STK3: variants seen among roughly 807,000 people sequenced by gnomAD.
STK3 encodes serine/threonine kinase 3, also known as serine/threonine-protein kinase 3.
Under a neutral mutation model 58.0 loss-of-function variants are expected in STK3, and 41 were observed. The ratio of observed to expected loss-of-function variants is 0.71; its 90% confidence interval spans 0.55 to 0.92. The LOEUF (loss-of-function observed/expected upper bound fraction) is 0.92, where lower values mean the gene tolerates loss of function less well. STK3 is among the 40% of genes least tolerant of loss of function. The probability of loss-of-function intolerance (pLI) is 0.00; values close to 1 mark genes in which losing one functional copy is unlikely to be tolerated. For missense variants in STK3, 479 were observed against 602.7 expected (o/e 0.79, Z 2.15); for synonymous variants, 170 against 191.0 (o/e 0.89, Z 0.91).
chr8:98,863,623 C>G (rs974185298), intron 3 of STK3, among the ~76,000 whole-genome samples: 1 of 152,046 alleles, frequency 6.6e-6, no homozygotes, highest in African/African-American at 2.4e-5. Flanking sequence ...TATAAAACAA[C>G]CAGTATACAA....
Position 98,754,421 on chromosome 8 carries a change from G to A in STK3, c.237-5031C>T, listed in dbSNP as rs529051284. Among the ~76,000 whole-genome samples, 14 of 151,954 alleles carry A rather than the reference G, an allele frequency of 9.2e-5. No individual in the cohort carries two copies. The South Asian group carries it at 1.2e-3, about 14-fold the overall frequency. On this transcript the variant is annotated intron_variant, in intron 3 of 10. Transcript: ENST00000419617. ...TCAGTAGGTTTTTAAAAGCTCTACC[G>A]GTGACTCTGACATAGACCCAGAGTT...
At chr8:98,850,704 C>T (rs948184056) in intron 3 of STK3, among the ~76,000 whole-genome samples, 2 of 152,132 alleles carry the variant, frequency 1.3e-5, no homozygotes, top group Admixed American at 6.5e-5. Flanking sequence ...GTGACTGCGA[C>T]GTGCAGTGCG....
chr8:98,604,042 G>T (rs550378894), intron 6 of STK3, among the ~76,000 whole-genome samples: 16 of 152,280 alleles, frequency 1.1e-4, no homozygotes, highest in Non-Finnish European at 2.4e-4. Context: ...GTCAGAGGGA[G>T]ATGTGAGTTT....
At chr8:98,721,247 G>A in intron 4 of STK3, 1 of 366,762 alleles carries the variant, frequency 2.7e-6, no homozygotes, top group Non-Finnish European at 3.8e-6. Flanking sequence ...TCACTAAGCA[G>A]GAAAGATAGT....
intron 6 of STK3, among the ~76,000 whole-genome samples, chr8:98,657,608 T>C (rs1821649038): frequency 6.6e-6 from 1 of 152,100 alleles, no homozygotes; most frequent in Non-Finnish European, 1.5e-5. Context: ...CCTTAAAATA[T>C]GTGGCTGAAA....
Position 98,900,075 on chromosome 8 carries a change from C to CTATT in STK3, c.-78-16245_-78-16242dup, listed in dbSNP as rs1227925510. 2.6e-5 allele frequency among the ~76,000 whole-genome samples: 4 copies of CTATT among 152,158 alleles called. No individual in the cohort carries two copies. In the South Asian group the frequency reaches 6.2e-4, roughly 24 times the overall value. ...ACTGGTTTCCTTGATTTCCAGTCTG[C>CTATT]TATTTATTTATTTATTTTTGAGACA... is the stretch of plus-strand genomic sequence containing the variant. On this transcript the variant is annotated intron_variant, in intron 1 of 1. Transcript: ENST00000519420.
chr8:98,853,621 C>T (rs966500771), intron 3 of STK3, among the ~76,000 whole-genome samples: 21 of 152,258 alleles, frequency 1.4e-4, no homozygotes, highest in African/African-American at 4.8e-4. Flanking sequence ...TTAATCCATC[C>T]AGGTCTTGCA....
At position 98,469,261 on chromosome 8, in the gene STK3, G is replaced by T. The variant is rs947928126; in HGVS notation, c.1318-13261C>A. Among the ~76,000 whole-genome samples, 14 of 149,338 alleles carry T rather than the reference G, an allele frequency of 9.4e-5. No homozygotes were observed. The Admixed American group carries it at 9.4e-4, about 10-fold the overall frequency. ...AAAAGGCTTTTCTTTGCGGGGGCGGGGGGGCGGTCTGAGAATGGCGCCAAA... is the reference window on the plus strand; with the variant it reads ...AAAAGGCTTTTCTTTGCGGGGGCGGTGGGGCGGTCTGAGAATGGCGCCAAA... On this transcript the variant is annotated intron_variant, in intron 10 of 10. Coordinates refer to ENST00000419617, the MANE Select transcript of STK3 (RefSeq NM_006281.4).
downstream of STK3, chr8:98,883,656 T>A (rs1426993478): frequency 1.4e-6 from 1 of 703,010 alleles, no homozygotes; most frequent in Admixed American, 2.0e-5. Flanking sequence ...CCTGTCTTGC[T>A]TGTTTTCTTC....
chr8:98,411,769 C>T (rs879602551), intron 3 of STK3, among the ~76,000 whole-genome samples: 6 of 152,198 alleles, frequency 3.9e-5, no homozygotes, highest in Non-Finnish European at 7.3e-5. Flanking sequence ...CATCACTCCT[C>T]GAGGGACAAA....
At chr8:98,604,755 A>C (rs1816638525) in intron 6 of STK3, among the ~76,000 whole-genome samples, 1 of 152,078 alleles carries the variant, frequency 6.6e-6, no homozygotes, top group Non-Finnish European at 1.5e-5. Flanking sequence ...GGGCTACAAA[A>C]TTTTCAACTT....
intron 10 of STK3, among the ~76,000 whole-genome samples, chr8:98,509,498 C>A (rs1425776175): frequency 6.6e-6 from 1 of 151,828 alleles, no homozygotes; most frequent in Non-Finnish European, 1.5e-5. Flanking sequence ...ATGAAAACAT[C>A]CTAATGGAAT....
intron 3 of STK3, among the ~76,000 whole-genome samples, chr8:98,408,564 C>G (rs147755671): frequency 2.0e-4 from 31 of 152,364 alleles, no homozygotes; most frequent in African/African-American, 7.5e-4. Flanking sequence ...CTCAAATACT[C>G]TGCTGGGCTT....
At chr8:98,570,820 T>C (rs1182079162) in intron 8 of STK3, among the ~76,000 whole-genome samples, 1 of 152,234 alleles carries the variant, frequency 6.6e-6, no homozygotes, top group African/African-American at 2.4e-5. Flanking sequence ...ACAACTCTAT[T>C]TGCAGATGGT....
chr8:98,921,828 A>G (rs752525894), intron 1 of STK3, among the ~76,000 whole-genome samples: 2 of 152,120 alleles, frequency 1.3e-5, no homozygotes, highest in Non-Finnish European at 2.9e-5. Context: ...AGCACCTGGG[A>G]CTACAGGTGC....
chr8:98,610,396 A>G (rs899803735), intron 6 of STK3, among the ~76,000 whole-genome samples: 3 of 152,256 alleles, frequency 2.0e-5, no homozygotes, highest in African/African-American at 7.2e-5. Flanking sequence ...AGATCAGAAT[A>G]TTATATGCAA....
the STK3 span, among the ~76,000 whole-genome samples, chr8:98,344,291 A>G: frequency 6.6e-6 from 1 of 152,212 alleles, no homozygotes; most frequent in Admixed American, 6.5e-5. Flanking sequence ...ATGTTTTTCA[A>G]TGCTGCAGTC....
At chr8:98,494,960 T>C (rs1823009965) in intron 10 of STK3, among the ~76,000 whole-genome samples, 1 of 152,220 alleles carries the variant, frequency 6.6e-6, no homozygotes, top group Non-Finnish European at 1.5e-5. Context: ...TCTTCATGAA[T>C]CCAACCACTA....
upstream of STK3, among the ~76,000 whole-genome samples, chr8:98,389,368 T>G: frequency 6.6e-6 from 1 of 152,190 alleles, no homozygotes; most frequent in Non-Finnish European, 1.5e-5. Flanking sequence ...ACAGGGACTC[T>G]CTGTTCTTTA....
Sources: allele counts gnomAD v4.1 joint callset (sites outside exome capture counted in the v4.1 genomes callset), GRCh38; gene constraint gnomAD v4.1.1; transcripts MANE v1.5; gene names NCBI Gene and HGNC (gene_info 2026-07-23, HGNC 2026-07-21).